Variants in SLC16A12 observed in about 807,000 individuals in gnomAD.
SLC16A12 encodes monocarboxylate transporter 12.
A neutral mutation model predicts 42.4 loss-of-function variants in SLC16A12; 17 were observed. The observed-to-expected ratio is 0.40, with a 90% CI of 0.27 to 0.60. The LOEUF is 0.60. Among genes scored for constraint, SLC16A12 ranks in the 20% least tolerant of loss-of-function variants. The pLI is 0.42. For synonymous variants in SLC16A12, 224 were observed against 229.4 expected (o/e 0.98, Z 0.21); for missense variants, 544 against 623.0 (o/e 0.87, Z 1.35).
At chr10:89,460,744 CAAAAA>C (rs751005622) in intron 3 of SLC16A12, among the ~76,000 whole-genome samples, 2 of 68,454 alleles carry the variant, frequency 2.9e-5, no homozygotes, top group African/African-American at 1.1e-4. Flanking sequence ...GACACTGTCT[CAAAAA>C]AAAAAAAAAA....
chr10:89,473,453 A>T (rs1454559928), intron 2 of SLC16A12, among the ~76,000 whole-genome samples: 2 of 152,222 alleles, frequency 1.3e-5, no homozygotes, highest in Non-Finnish European at 2.9e-5. Flanking sequence ...TATACAACTT[A>T]TGGAAGAAAA....
chr10:89,481,724 TC>T (rs1454630975), intron 2 of SLC16A12, among the ~76,000 whole-genome samples: 2 of 150,998 alleles, frequency 1.3e-5, no homozygotes, highest in African/African-American at 4.9e-5. Context: ...AAAAATGTAT[TC>T]CAGCATGGTT....
intron 2 of SLC16A12, among the ~76,000 whole-genome samples, chr10:89,545,392 GC>G (rs1396751215): frequency 6.6e-6 from 1 of 152,134 alleles, no homozygotes; most frequent in African/African-American, 2.4e-5. Flanking sequence ...AAATCAGTGT[GC>G]AAAAATCACA....
At chr10:89,481,887 A>G (rs1204229131) in intron 2 of SLC16A12, among the ~76,000 whole-genome samples, 1 of 152,162 alleles carries the variant, frequency 6.6e-6, no homozygotes, top group African/African-American at 2.4e-5. Context: ...TCAGGCTCGC[A>G]TGAGGAAATC....
intron 2 of SLC16A12, among the ~76,000 whole-genome samples, chr10:89,486,624 AAAGAAAG>A (rs1564585853): frequency 8.0e-5 from 10 of 125,480 alleles, no homozygotes; most frequent in Non-Finnish European, 1.6e-4. Flanking sequence ...AGAAAGAAAG[AAAGAAAG>A]AAAGAAAGAA....
chr10:89,536,447 C>T (rs77097927), upstream of SLC16A12, among the ~76,000 whole-genome samples: 2,165 of 152,140 alleles, frequency 0.014, 221 homozygotes, highest in East Asian at 0.28. Flanking sequence ...TGATAGCGCC[C>T]ACTTCATGTT....
intron 2 of SLC16A12, among the ~76,000 whole-genome samples, chr10:89,513,810 T>G (rs1441079758): frequency 6.6e-6 from 1 of 152,196 alleles, no homozygotes; most frequent in Non-Finnish European, 1.5e-5. Flanking sequence ...TGTGGTTAAA[T>G]GGGCATTCTT....
At chr10:89,528,648 C>T (rs890892700) in intron 2 of SLC16A12, among the ~76,000 whole-genome samples, 2 of 152,078 alleles carry the variant, frequency 1.3e-5, no homozygotes, top group African/African-American at 4.8e-5. Flanking sequence ...TAAGAATATA[C>T]CACACATGAA....
At chr10:89,445,832 C>T (rs925432158) in intron 3 of SLC16A12, among the ~76,000 whole-genome samples, 1 of 152,056 alleles carries the variant, frequency 6.6e-6, no homozygotes, top group Non-Finnish European at 1.5e-5. Flanking sequence ...ATGTTCGAAC[C>T]CATCACAAGG....
chr10:89,539,806 T>C (rs1319785278), upstream of SLC16A12, among the ~76,000 whole-genome samples: 7 of 152,150 alleles, frequency 4.6e-5, no homozygotes, highest in Admixed American at 4.6e-4. Context: ...ATTAGGGCAA[T>C]ACATGGACAA....
At chr10:89,542,582 G>A (rs145936256) in intron 2 of SLC16A12, among the ~76,000 whole-genome samples, 42 of 152,196 alleles carry the variant, frequency 2.8e-4, no homozygotes, top group African/African-American at 9.6e-4. Flanking sequence ...GGGATTACAC[G>A]TGTGAGCCAC....
chr10:89,485,103 C>T (rs1212628982), intron 2 of SLC16A12, among the ~76,000 whole-genome samples: 1 of 152,208 alleles, frequency 6.6e-6, no homozygotes, highest in East Asian at 1.9e-4. Context: ...AACAAGGAAG[C>T]AGTTTCCTAT....
intron 3 of SLC16A12, among the ~76,000 whole-genome samples, chr10:89,459,435 T>G (rs570662077): frequency 6.6e-6 from 1 of 151,776 alleles, no homozygotes; most frequent in Non-Finnish European, 1.5e-5. Context: ...CAGGGGCAGG[T>G]AGAAGTGTGG....
chr10:89,519,386 A>G (rs1220041172), intron 2 of SLC16A12, among the ~76,000 whole-genome samples: 11 of 152,202 alleles, frequency 7.2e-5, no homozygotes, highest in Admixed American at 7.2e-4. Context: ...GAGAGAAGAA[A>G]AAAAAATACC....
intron 2 of SLC16A12, among the ~76,000 whole-genome samples, chr10:89,555,642 C>CAT (rs1554834659): frequency 2.1e-5 from 3 of 140,038 alleles, no homozygotes; most frequent in African/African-American, 5.3e-5. Flanking sequence ...CACATATATA[C>CAT]ATATATATAC....
chr10:89,535,375 C>G (rs1309769752), intron 1 of SLC16A12, 67 bp downstream of exon 1: 2 of 152,872 alleles, frequency 1.3e-5, no homozygotes, highest in African/African-American at 2.4e-5. Flanking sequence ...CCGTCCTCCT[C>G]CAGCTCCAAC....
At chr10:89,549,454 C>T (rs1353872959) in intron 2 of SLC16A12, among the ~76,000 whole-genome samples, 3 of 152,160 alleles carry the variant, frequency 2.0e-5, no homozygotes, top group Admixed American at 1.3e-4. Flanking sequence ...TAAGAAATTA[C>T]AATTCATCCT....
chr10:89,489,264 C>A (rs1257512712), intron 2 of SLC16A12, among the ~76,000 whole-genome samples: 4 of 152,116 alleles, frequency 2.6e-5, no homozygotes, highest in African/African-American at 4.8e-5. Context: ...ATCATATTCA[C>A]CTTCTTGGAG....
chr10:89,535,764 G>A (rs1843648376), upstream of SLC16A12, among the ~76,000 whole-genome samples: 1 of 152,074 alleles, frequency 6.6e-6, no homozygotes, highest in African/African-American at 2.4e-5. Flanking sequence ...TCCCTGCGCA[G>A]TGGCCCCTTC....
Sources: allele counts gnomAD v4.1 joint callset (sites outside exome capture counted in the v4.1 genomes callset), GRCh38; gene constraint gnomAD v4.1.1; transcripts MANE v1.5; gene names NCBI Gene and HGNC (gene_info 2026-07-23, HGNC 2026-07-21).